Variants in KCNIP4 observed in about 807,000 individuals in gnomAD.
The protein encoded by KCNIP4 is Kv channel-interacting protein 4.
KCNIP4 carries 12 observed loss-of-function variants against 34.0 expected under a neutral mutation model. The ratio of observed to expected loss-of-function variants is 0.35; its 90% confidence interval spans 0.23 to 0.57. The LOEUF is 0.57. KCNIP4 is among the 20% of genes least tolerant of loss of function. The pLI, the probability that KCNIP4 is intolerant of heterozygous loss-of-function variation, is 0.83. For missense variants in KCNIP4, 238 were observed against 311.7 expected (o/e 0.76, Z 1.78); for synonymous variants, 124 against 102.2 (o/e 1.21, Z -1.29).
chr4:20,965,517 G>A (rs182512671), intron 1 of KCNIP4, among the ~76,000 whole-genome samples: 12 of 152,224 alleles, frequency 7.9e-5, no homozygotes, highest in African/African-American at 2.9e-4. Flanking sequence ...AAAGAAACTG[G>A]TCAACTTTCC....
At position 21,518,814 on chromosome 4, in the gene KCNIP4, C is replaced by T. The variant is rs888571185; in HGVS notation, c.61+429757G>A. On this transcript the variant is annotated intron_variant, in intron 1 of 8. Transcript: ENST00000382152. ...GATATTTTCGGGGACACTGAAACAG[C>T]TCCTTGATAAACCCCTGCATAGCCT... Among the ~76,000 whole-genome samples, 15 of 152,074 alleles carry T rather than the reference C, an allele frequency of 9.9e-5. 1 individual carries two copies. The highest frequency in any genetic ancestry group is 3.4e-4 in the African/African-American group (14 of 41,402).
At chr4:21,924,657 C>T (rs1246568655) in intron 1 of KCNIP4, among the ~76,000 whole-genome samples, 1 of 152,116 alleles carries the variant, frequency 6.6e-6, no homozygotes, top group Non-Finnish European at 1.5e-5. Context: ...CTGTTGTCTC[C>T]ATCAATTTTT....
At chr4:21,123,168 C>T (rs1335097722) in intron 1 of KCNIP4, among the ~76,000 whole-genome samples, 2 of 151,570 alleles carry the variant, frequency 1.3e-5, no homozygotes, top group Non-Finnish European at 2.9e-5. Context: ...GAGCCAAGAT[C>T]GTGCCACTGC....
intron 1 of KCNIP4, among the ~76,000 whole-genome samples, chr4:21,268,821 T>C (rs1395515974): frequency 1.3e-5 from 2 of 152,186 alleles, no homozygotes; most frequent in Non-Finnish European, 2.9e-5. Flanking sequence ...CTGGCAACGG[T>C]CAAGAAAACT....
chr4:21,272,106 A>T (rs1253287772), intron 1 of KCNIP4, among the ~76,000 whole-genome samples: 1 of 152,214 alleles, frequency 6.6e-6, no homozygotes, highest in African/African-American at 2.4e-5. Context: ...GGTCAGGCAC[A>T]TGGACTCAAA....
chr4:21,668,825 T>C (rs999647003), intron 1 of KCNIP4, among the ~76,000 whole-genome samples: 7 of 136,970 alleles, frequency 5.1e-5, no homozygotes, highest in Admixed American at 1.7e-4. Context: ...GAGAAGTATA[T>C]ACTCTCTATT....
chr4:20,791,474 C>A lies in KCNIP4; in HGVS notation c.289-32584G>T, dbSNP rs906532949. Among the ~76,000 whole-genome samples, 3 of 152,004 alleles carry A rather than the reference C, an allele frequency of 2.0e-5. No homozygotes were observed. The East Asian group carries it at 5.8e-4, about 29-fold the overall frequency. ...AAATAATGATGATTTGAGTTTTTAT[C>A]ATATATAAACATAAAATGTATGAAA... On this transcript the variant is annotated intron_variant, in intron 3 of 8. Coordinates refer to ENST00000382152, the MANE Select transcript of KCNIP4 (RefSeq NM_025221.6).
chr4:21,944,556 C>CAAAAAA (rs5856680), intron 1 of KCNIP4, among the ~76,000 whole-genome samples: 1 of 104,444 alleles, frequency 9.6e-6, no homozygotes, highest in Non-Finnish European at 1.9e-5. Flanking sequence ...GACTCCGTCT[C>CAAAAAA]AAAAAAAAAA....
rs890963508 is a variant in KCNIP4, at chr4:20,884,878, T to C, written c.62-2169A>G. ...ACCATGCCTGGCTAATTTTTGTATTTTTAGTAGAGACAGGGCTTTGCCATC... is the reference window on the plus strand; with the variant it reads ...ACCATGCCTGGCTAATTTTTGTATTCTTAGTAGAGACAGGGCTTTGCCATC... On this transcript the variant is annotated intron_variant, in intron 1 of 8. Transcript: ENST00000382152. Among the ~76,000 whole-genome samples, 3 of 152,168 alleles carry C rather than the reference T, an allele frequency of 2.0e-5. No individual in the cohort carries two copies. In the East Asian group the frequency reaches 5.8e-4, roughly 30 times the overall value.
chr4:21,250,461 T>C (rs1160137441), intron 1 of KCNIP4, among the ~76,000 whole-genome samples: 1 of 152,124 alleles, frequency 6.6e-6, no homozygotes, highest in African/African-American at 2.4e-5. Flanking sequence ...AAAAAATCCC[T>C]GTCTCATGAA....
chr4:21,693,397 G>T (rs982271609), intron 1 of KCNIP4, among the ~76,000 whole-genome samples: 1 of 151,894 alleles, frequency 6.6e-6, no homozygotes, highest in Admixed American at 6.6e-5. Flanking sequence ...CTCGTCTCTA[G>T]TAAAAATACA....
chr4:21,291,202 T>A (rs1234834652), intron 1 of KCNIP4, among the ~76,000 whole-genome samples: 23 of 152,214 alleles, frequency 1.5e-4, no homozygotes, highest in Non-Finnish European at 5.9e-5. Flanking sequence ...TCCCAGAAAA[T>A]CTTCAACAGG....
intron 3 of KCNIP4, among the ~76,000 whole-genome samples, chr4:20,768,420 T>C (rs1476581023): frequency 6.6e-6 from 1 of 152,098 alleles, no homozygotes; most frequent in East Asian, 1.9e-4. Flanking sequence ...ACTTCTTATT[T>C]CAACATAAAA....
At chr4:20,922,929 G>A (rs376301075) in intron 1 of KCNIP4, among the ~76,000 whole-genome samples, 3 of 152,040 alleles carry the variant, frequency 2.0e-5, no homozygotes, top group South Asian at 2.1e-4. Context: ...TAAAAATACA[G>A]TTTTTTACAG....
chr4:21,415,777 C>T (rs969942822), intron 1 of KCNIP4, among the ~76,000 whole-genome samples: 3 of 152,016 alleles, frequency 2.0e-5, no homozygotes, highest in African/African-American at 4.8e-5. Flanking sequence ...TCACTACACA[C>T]ACACGTACAA....
intron 1 of KCNIP4, among the ~76,000 whole-genome samples, chr4:20,968,282 T>C (rs1734578939): frequency 6.6e-6 from 1 of 152,098 alleles, no homozygotes; most frequent in Non-Finnish European, 1.5e-5. Context: ...AAACAACAGA[T>C]GCTGGAGAGG....
intron 1 of KCNIP4, among the ~76,000 whole-genome samples, chr4:21,445,210 T>TA (rs1445047616): frequency 6.6e-6 from 1 of 152,164 alleles, no homozygotes; most frequent in Non-Finnish European, 1.5e-5. Context: ...CAAGGTAATT[T>TA]ATAGATTCAA....
intron 1 of KCNIP4, among the ~76,000 whole-genome samples, chr4:21,474,320 C>G (rs1446558479): frequency 2.6e-5 from 4 of 152,224 alleles, no homozygotes; most frequent in African/African-American, 9.6e-5. Context: ...GTGCACCTAG[C>G]AATTTGCTGC....
At chr4:21,935,194 C>T (rs1235013812) in intron 1 of KCNIP4, among the ~76,000 whole-genome samples, 1 of 152,048 alleles carries the variant, frequency 6.6e-6, no homozygotes, top group Admixed American at 6.6e-5. Context: ...CTTCCACCAA[C>T]ACCCTTCTCT....
Sources: allele counts gnomAD v4.1 joint callset (sites outside exome capture counted in the v4.1 genomes callset), GRCh38; gene constraint gnomAD v4.1.1; transcripts MANE v1.5; gene names NCBI Gene and HGNC (gene_info 2026-07-23, HGNC 2026-07-21).